Variants in SNX30 observed in about 807,000 individuals in gnomAD.
SNX30 encodes the protein sorting nexin-30.
A neutral mutation model predicts 46.4 loss-of-function variants in SNX30; 24 were observed. The ratio of observed to expected loss-of-function variants is 0.52; its 90% CI spans 0.37 to 0.73. The LOEUF (loss-of-function observed/expected upper bound fraction) is 0.73, where lower values mean the gene tolerates loss of function less well. Among genes scored for constraint, SNX30 ranks in the 30% least tolerant of loss-of-function variants. SNX30 has a pLI of 0.00. For missense variants in SNX30, 533 were observed against 555.7 expected, an observed-to-expected ratio of 0.96 and a Z score of 0.41; for synonymous variants, 189 against 211.5, an observed-to-expected ratio of 0.89 and a Z score of 0.92.
At chr9:112,767,757 TTTTTTTTA>T (rs1028060734) in intron 1 of SNX30, among the ~76,000 whole-genome samples, 22 of 151,792 alleles carry the variant, frequency 1.4e-4, no homozygotes, top group African/African-American at 5.1e-4. Flanking sequence ...GTCCAGCTAA[TTTTTTTTA>T]TTTATTTATT....
At chr9:112,861,853 G>A (rs1157026036) in intron 7 of SNX30, among the ~76,000 whole-genome samples, 4 of 152,122 alleles carry the variant, frequency 2.6e-5, no homozygotes, top group Non-Finnish European at 4.4e-5. Context: ...TTTCCTCCAT[G>A]AGGCCCGATC....
chr9:112,793,980 C>A (rs575287701), intron 1 of SNX30, among the ~76,000 whole-genome samples: 112 of 151,526 alleles, frequency 7.4e-4, no homozygotes, highest in African/African-American at 2.6e-3. Flanking sequence ...GGTTATTGAG[C>A]CTTTGGGATT....
intron 1 of SNX30, among the ~76,000 whole-genome samples, chr9:112,754,820 G>A (rs1339923649): frequency 6.6e-6 from 1 of 152,026 alleles, no homozygotes; most frequent in African/African-American, 2.4e-5. Flanking sequence ...TCTAACTTCT[G>A]TACCCCTCCC....
At chr9:112,814,667 A>T (rs1225308315) in intron 2 of SNX30, among the ~76,000 whole-genome samples, 1 of 152,184 alleles carries the variant, frequency 6.6e-6, no homozygotes, top group Admixed American at 6.6e-5. Flanking sequence ...AACAAAGATG[A>T]TGTATTATTT....
chr9:112,783,278 T>C (rs1839873783), intron 1 of SNX30, among the ~76,000 whole-genome samples: 1 of 152,220 alleles, frequency 6.6e-6, no homozygotes, highest in Non-Finnish European at 1.5e-5. Context: ...CTGCTTCTTA[T>C]TAGCTGAGTG....
intron 7 of SNX30, among the ~76,000 whole-genome samples, chr9:112,853,374 T>C (rs10739375): frequency 0.8 from 121,623 of 152,154 alleles, 48,805 homozygotes; most frequent in South Asian, 0.87. Context: ...CTGCCCTCTG[T>C]CTGCCTATGG....
intron 5 of SNX30, among the ~76,000 whole-genome samples, chr9:112,837,887 CTTTTTTTT>C (rs10713538): frequency 8.4e-5 from 6 of 71,176 alleles, no homozygotes; most frequent in Non-Finnish European, 1.3e-4. Context: ...TGGTTCTTTT[CTTTTTTTT>C]TTTTTTTTTT....
Position 112,868,764 on chromosome 9 carries a change from T to G in SNX30, c.1255-20T>G. The G allele has an allele frequency of 6.2e-7, 1 of 1,613,908 alleles. No homozygotes were observed. The highest frequency in any genetic ancestry group is 8.5e-7 in the Non-Finnish European group (1 of 1,179,778). On this transcript the variant is annotated intron_variant, in intron 8 of 8. Coordinates refer to ENST00000374232, the MANE Select transcript of SNX30 (RefSeq NM_001012994.2). ...TCGGAAACTCAAAGCTGATACTGTG[T>G]GTGTATGTTGTCGTTCCAGTGCCTC...
intron 6 of SNX30, among the ~76,000 whole-genome samples, chr9:112,839,661 A>G (rs374521937): frequency 6.6e-6 from 1 of 152,224 alleles, no homozygotes. Flanking sequence ...TTTATGACCA[A>G]TAGAAAAAGA....
chr9:112,806,547 A>C (rs1840226910), intron 2 of SNX30, among the ~76,000 whole-genome samples: 1 of 152,106 alleles, frequency 6.6e-6, no homozygotes, highest in Admixed American at 6.5e-5. Flanking sequence ...ATCATTTTTT[A>C]TTTTGAAAGT....
intron 3 of SNX30, among the ~76,000 whole-genome samples, chr9:112,820,714 C>T (rs1198682617): frequency 1.3e-5 from 2 of 152,212 alleles, no homozygotes; most frequent in African/African-American, 4.8e-5. Flanking sequence ...CTCCCAGCCC[C>T]TGGCAACCAC....
At chr9:112,839,449 C>T (rs746572130) in intron 6 of SNX30, among the ~76,000 whole-genome samples, 10 of 152,120 alleles carry the variant, frequency 6.6e-5, no homozygotes, top group Non-Finnish European at 1.5e-4. Context: ...TTTGGTCTAG[C>T]AGCGGTGAAT....
chr9:112,816,442 T>C (rs762943893), intron 2 of SNX30, among the ~76,000 whole-genome samples: 15 of 152,206 alleles, frequency 9.9e-5, no homozygotes, highest in Admixed American at 1.3e-4. Flanking sequence ...AATACCTACA[T>C]TGAGTGAATT....
chr9:112,882,667 A>G (rs1393561992), downstream of SNX30, among the ~76,000 whole-genome samples: 2 of 152,092 alleles, frequency 1.3e-5, no homozygotes, highest in Non-Finnish European at 2.9e-5. Flanking sequence ...GAATCAATAT[A>G]TTAGGCCTGA....
chr9:112,767,761 T>A (rs7848881), intron 1 of SNX30, among the ~76,000 whole-genome samples: 31,885 of 151,622 alleles, frequency 0.21, 3,428 homozygotes, highest in Admixed American at 0.26. Context: ...AGCTAATTTT[T>A]TTTATTTATT....
chr9:112,751,324 C>T (rs931012801), intron 1 of SNX30, among the ~76,000 whole-genome samples, 167 bp downstream of exon 1: 2 of 152,210 alleles, frequency 1.3e-5, no homozygotes, highest in Non-Finnish European at 2.9e-5. Flanking sequence ...TCCTCTGCCG[C>T]CTCCGCGGGG....
Position 112,868,879 on chromosome 9 carries a change from C to A in SNX30, c.*36C>A. On this transcript the variant is annotated 3_prime_UTR_variant, in exon 9 of 9. Coordinates refer to ENST00000374232, the MANE Select transcript of SNX30 (RefSeq NM_001012994.2). ...TGGGACGGAGACTCTTCTACCTACACAGGGCCTGGCACCCTATACCGGAAT... is the reference window on the plus strand; with the variant it reads ...TGGGACGGAGACTCTTCTACCTACAAAGGGCCTGGCACCCTATACCGGAAT... The A allele has an allele frequency of 6.3e-7, 1 of 1,599,180 alleles. No individual in the cohort carries two copies. The highest frequency in any genetic ancestry group is 1.7e-4 in the Middle Eastern group (1 of 5,992).
At chr9:112,833,153 A>G (rs1366222592) in intron 4 of SNX30, among the ~76,000 whole-genome samples, 5 of 152,148 alleles carry the variant, frequency 3.3e-5, no homozygotes, top group Non-Finnish European at 2.9e-5. Context: ...GAACGTTTGC[A>G]TCTTGCAGAT....
At chr9:112,775,212 A>G (rs1156397624) in intron 1 of SNX30, among the ~76,000 whole-genome samples, 9 of 141,836 alleles carry the variant, frequency 6.3e-5, no homozygotes, top group African/African-American at 1.1e-4. Flanking sequence ...CTGGAGTGCA[A>G]TGGTGTGATC....
Sources: allele counts gnomAD v4.1 joint callset (sites outside exome capture counted in the v4.1 genomes callset), GRCh38; gene constraint gnomAD v4.1.1; transcripts MANE v1.5; gene names NCBI Gene and HGNC (gene_info 2026-07-23, HGNC 2026-07-21).